The following TANK variants were observed in gnomAD, a reference collection of about 807,000 sequenced individuals.
TANK encodes TRAF family member-associated NF-kappa-B activator.
In TANK, 15 loss-of-function variants were observed where a neutral mutation model predicts 43.6. The ratio of observed to expected loss-of-function variants is 0.34; its 90% CI spans 0.23 to 0.53. The LOEUF (loss-of-function observed/expected upper bound fraction) is 0.53. TANK is among the 20% of genes least tolerant of loss of function. The pLI is 0.94. For missense variants in TANK, 417 were observed against 498.6 expected, an observed-to-expected ratio of 0.84 and a Z score of 1.56; for synonymous variants, 162 against 178.2, an observed-to-expected ratio of 0.91 and a Z score of 0.73.
chr2:161,168,215 T>A (rs150307287), intron 1 of TANK, among the ~76,000 whole-genome samples: 19 of 152,282 alleles, frequency 1.2e-4, no homozygotes, highest in Non-Finnish European at 1.8e-4. Context: ...TTTGCACTCC[T>A]CACATTAAAA....
chr2:161,233,392 G>A (rs1421445770), intron 7 of TANK, among the ~76,000 whole-genome samples: 1 of 151,846 alleles, frequency 6.6e-6, no homozygotes, highest in African/African-American at 2.4e-5. Flanking sequence ...GCAAGACCCT[G>A]TCTCAAAATA....
intron 4 of TANK, among the ~76,000 whole-genome samples, chr2:161,209,501 G>A (rs1301593936): frequency 6.6e-6 from 1 of 152,156 alleles, no homozygotes; most frequent in Non-Finnish European, 1.5e-5. Context: ...GGATTGTAAT[G>A]TACTGTGTCA....
At chr2:161,180,790 G>T (rs1207479526) in intron 2 of TANK, among the ~76,000 whole-genome samples, 3 of 152,114 alleles carry the variant, frequency 2.0e-5, no homozygotes, top group African/African-American at 7.2e-5. Flanking sequence ...ACATCAGGAG[G>T]AGTCTAGAGG....
At chr2:161,139,771 C>T in intron 1 of TANK, 1 of 985,340 alleles carries the variant, frequency 1.0e-6, no homozygotes, top group South Asian at 4.7e-5. Context: ...GTGACATAAG[C>T]CAAGTAACCC....
chr2:161,232,217 G>C (rs942453469), intron 7 of TANK, among the ~76,000 whole-genome samples: 1 of 151,972 alleles, frequency 6.6e-6, no homozygotes, highest in Admixed American at 6.6e-5. Context: ...CTCCCTTTTA[G>C]ATTCAAATTC....
chr2:161,220,064 C>T (rs941415665), intron 4 of TANK, among the ~76,000 whole-genome samples: 6 of 152,054 alleles, frequency 3.9e-5, no homozygotes, highest in East Asian at 1.9e-4. Flanking sequence ...CATCCCGAAA[C>T]GAAATAAAAC....
At chr2:161,233,590 TTTTC>T (rs1485860071) in intron 7 of TANK, among the ~76,000 whole-genome samples, 1 of 152,102 alleles carries the variant, frequency 6.6e-6, no homozygotes. Context: ...TTCTATGTGA[TTTTC>T]TTTTTTACTT....
intron 6 of TANK, among the ~76,000 whole-genome samples, chr2:161,225,822 CT>C (rs1430473854): frequency 1.3e-5 from 2 of 152,156 alleles, no homozygotes; most frequent in Admixed American, 1.3e-4. Context: ...TGTAAATTCA[CT>C]TTTTGCTACT....
chr2:161,230,004 T>C (rs1026469892), intron 6 of TANK, among the ~76,000 whole-genome samples: 2 of 152,216 alleles, frequency 1.3e-5, no homozygotes, highest in African/African-American at 4.8e-5. Flanking sequence ...TAAGTTCTTA[T>C]ATCAGCTTCT....
chr2:161,216,544 T>C, intron 4 of TANK: 1 of 317,356 alleles, frequency 3.2e-6, no homozygotes, highest in Non-Finnish European at 6.2e-6. Context: ...ACATGAAGAA[T>C]ATACTAGGTC....
upstream of TANK, among the ~76,000 whole-genome samples, chr2:161,158,834 G>C (rs146890208): frequency 1.3e-5 from 2 of 152,132 alleles, no homozygotes; most frequent in South Asian, 4.1e-4. Flanking sequence ...AAAATACAAA[G>C]AACACTTAAA....
intron 6 of TANK, among the ~76,000 whole-genome samples, chr2:161,226,541 A>C (rs1223989326): frequency 2.6e-5 from 4 of 152,174 alleles, no homozygotes; most frequent in East Asian, 1.9e-4. Context: ...AACTATTTTG[A>C]ATATGATTTG....
At chr2:161,151,738 C>T (rs1202618949) in intron 1 of TANK, among the ~76,000 whole-genome samples, 4 of 152,076 alleles carry the variant, frequency 2.6e-5, no homozygotes, top group African/African-American at 9.7e-5. Context: ...CAAGCTCTGC[C>T]TCTTGATTGA....
intron 7 of TANK, among the ~76,000 whole-genome samples, chr2:161,232,557 T>G (rs1351840731): frequency 6.6e-6 from 1 of 152,208 alleles, no homozygotes; most frequent in East Asian, 1.9e-4. Flanking sequence ...CTCACTTATG[T>G]TCTTGTTCAT....
intron 1 of TANK, among the ~76,000 whole-genome samples, chr2:161,171,402 G>C (rs563049830): frequency 1.3e-5 from 2 of 152,136 alleles, no homozygotes; most frequent in Non-Finnish European, 2.9e-5. Flanking sequence ...TTTTTCATTA[G>C]AGTTCTCACA....
intron 1 of TANK, among the ~76,000 whole-genome samples, chr2:161,167,760 CTACA>C (rs1684752966): frequency 6.6e-6 from 1 of 152,028 alleles, no homozygotes; most frequent in Non-Finnish European, 1.5e-5. Flanking sequence ...GTAGCTGGGA[CTACA>C]AATGCCCGCC....
intron 2 of TANK, among the ~76,000 whole-genome samples, chr2:161,190,107 T>G (rs1450077257): frequency 6.6e-6 from 1 of 152,158 alleles, no homozygotes; most frequent in Non-Finnish European, 1.5e-5. Flanking sequence ...ATCTAGAATA[T>G]ATAAAGAACT....
rs561707333 is a variant in TANK at position 161,218,891 on chromosome 2, G to A, written c.328-5024G>A. On this transcript the variant is annotated intron_variant, in intron 4 of 7. Transcript: ENST00000392749. ...CTCCTCCCTCTCAGCCTCCCTAGTAGTTGGGATTACAGGAGCACACCACCA... is the reference window on the plus strand; with the variant it reads ...CTCCTCCCTCTCAGCCTCCCTAGTAATTGGGATTACAGGAGCACACCACCA... Among the ~76,000 whole-genome samples, 288 of 152,228 alleles carry A rather than the reference G, an allele frequency of 1.9e-3. 1 individual carries two copies. The highest frequency in any genetic ancestry group is 3.3e-3 in the Non-Finnish European group (223 of 68,008).
At chr2:161,204,523 G>A (rs1302581831) in intron 3 of TANK, 152 bp from the exon 4 acceptor site, 1 of 643,616 alleles carries the variant, frequency 1.6e-6, no homozygotes, top group Non-Finnish European at 2.6e-6. Flanking sequence ...TGGACAACTT[G>A]TCAAAGTAAC....
Sources: gnomAD v4.1 joint callset for allele counts (sites outside exome capture counted in the v4.1 genomes callset) on GRCh38, gnomAD v4.1.1 for gene constraint, MANE v1.5 for transcripts, NCBI Gene and HGNC (gene_info 2026-07-23, HGNC 2026-07-21) for gene names.